Variants in PDE4D observed in about 807,000 individuals in gnomAD.
PDE4D encodes phosphodiesterase 4D.
A neutral mutation model predicts 87.4 loss-of-function variants in PDE4D; 24 were observed. The observed-to-expected ratio is 0.27, with a 90% CI of 0.20 to 0.39. The LOEUF is 0.39. PDE4D is among the 10% of genes least tolerant of loss of function. The pLI is 1.00. For missense variants in PDE4D, 714 were observed against 1,041.0 expected (o/e 0.69, Z 4.32); for synonymous variants, 384 against 383.2 (o/e 1.00, Z -0.02).
chr5:59,066,295 G>A (rs1393056165), intron 5 of PDE4D, among the ~76,000 whole-genome samples: 1 of 152,144 alleles, frequency 6.6e-6, no homozygotes, highest in Non-Finnish European at 1.5e-5. Context: ...CTTAGTCTTG[G>A]AGGGGCTTCC....
At chr5:59,906,313 A>G (rs995876542) in intron 3 of PDE4D, among the ~76,000 whole-genome samples, 1 of 152,190 alleles carries the variant, frequency 6.6e-6, no homozygotes, top group Non-Finnish European at 1.5e-5. Context: ...CTATTTCTCT[A>G]GGAAACTATG....
chr5:59,755,070 A>G (rs1761031378), intron 1 of PDE4D, among the ~76,000 whole-genome samples: 1 of 152,182 alleles, frequency 6.6e-6, no homozygotes, highest in Non-Finnish European at 1.5e-5. Flanking sequence ...TGTTTGGCAT[A>G]GCTGATGTGG....
At chr5:59,187,760 T>C (rs919935328) in intron 3 of PDE4D, among the ~76,000 whole-genome samples, 2 of 152,104 alleles carry the variant, frequency 1.3e-5, no homozygotes, top group African/African-American at 4.8e-5. Context: ...AGATTATTTA[T>C]TGTGTGTGTG....
intron 1 of PDE4D, among the ~76,000 whole-genome samples, chr5:59,583,616 A>T (rs1488599031): frequency 6.6e-6 from 1 of 152,252 alleles, no homozygotes; most frequent in Non-Finnish European, 1.5e-5. Flanking sequence ...CGGAAGGGGT[A>T]GTGTTCTATT....
rs188853000 is a variant in PDE4D at position 60,423,481 on chromosome 5, G to A, written c.-90+64461C>T. ...ATGAAATGAAGGCAAAAATAAAGAT[G>A]TTCTTTGAAACCAACGAGAACAAAG... On this transcript the variant is annotated intron_variant, in intron 1 of 16. Transcript: ENST00000502484. Among the ~76,000 whole-genome samples, 33 of 152,258 alleles carry A rather than the reference G, an allele frequency of 2.2e-4. No individual in the cohort carries two copies. In the East Asian group the frequency reaches 5.6e-3, roughly 26 times the overall value.
At chr5:59,850,428 T>A (rs1744505307) in intron 1 of PDE4D, among the ~76,000 whole-genome samples, 1 of 152,062 alleles carries the variant, frequency 6.6e-6, no homozygotes, top group African/African-American at 2.4e-5. Flanking sequence ...GTTATAAGAA[T>A]AAAATTGAAC....
chr5:59,544,259 C>A (rs1230404844), intron 1 of PDE4D, among the ~76,000 whole-genome samples: 2 of 152,196 alleles, frequency 1.3e-5, no homozygotes, highest in Non-Finnish European at 2.9e-5. Context: ...CCAATTGACG[C>A]TAGTTCTACC....
At chr5:59,529,937 G>C (rs1046610825) in intron 1 of PDE4D, among the ~76,000 whole-genome samples, 1 of 152,228 alleles carries the variant, frequency 6.6e-6, no homozygotes, top group Admixed American at 6.5e-5. Flanking sequence ...TCCTAAGGAG[G>C]GCCCCGGGTA....
chr5:60,054,256 T>C (rs1319102566), intron 2 of PDE4D, among the ~76,000 whole-genome samples: 1 of 152,120 alleles, frequency 6.6e-6, no homozygotes, highest in Admixed American at 6.5e-5. Context: ...TGCAGAACTG[T>C]TTACAGTGCA....
chr5:59,303,121 G>T (rs562414602), intron 1 of PDE4D, among the ~76,000 whole-genome samples: 1 of 152,160 alleles, frequency 6.6e-6, no homozygotes, highest in African/African-American at 2.4e-5. Flanking sequence ...TTTTTGATTT[G>T]CATTTCCTTG....
intron 1 of PDE4D, among the ~76,000 whole-genome samples, chr5:59,360,573 T>G (rs1480289338): frequency 6.6e-6 from 1 of 152,126 alleles, no homozygotes; most frequent in Non-Finnish European, 1.5e-5. Flanking sequence ...TAATATCCAT[T>G]CAGTACAAGT....
At chr5:60,136,690 A>T (rs1309997600) in intron 2 of PDE4D, among the ~76,000 whole-genome samples, 3 of 152,114 alleles carry the variant, frequency 2.0e-5, no homozygotes, top group East Asian at 3.8e-4. Flanking sequence ...CCCAATATCC[A>T]TTCTTTTCTT....
intron 1 of PDE4D, among the ~76,000 whole-genome samples, chr5:59,892,896 CCACACACACACACA>C (rs70975348): frequency 1.6e-4 from 23 of 143,970 alleles, no homozygotes; most frequent in African/African-American, 3.3e-4. Flanking sequence ...AGCGCGCGCA[CCACACACACACACA>C]CACACACACA....
chr5:60,204,119 C>T (rs1742229164), intron 1 of PDE4D, among the ~76,000 whole-genome samples: 1 of 152,164 alleles, frequency 6.6e-6, no homozygotes, highest in Admixed American at 6.5e-5. Context: ...GGTAAGCAGG[C>T]AGGAAACAGC....
At chr5:59,663,096 C>T (rs1249385079) in intron 1 of PDE4D, among the ~76,000 whole-genome samples, 3 of 152,130 alleles carry the variant, frequency 2.0e-5, no homozygotes, top group African/African-American at 4.8e-5. Context: ...TTAATTATTT[C>T]TTAACCACTT....
chr5:60,202,894 G>T (rs184453233), intron 1 of PDE4D, among the ~76,000 whole-genome samples: 12 of 152,202 alleles, frequency 7.9e-5, no homozygotes, highest in African/African-American at 2.9e-4. Flanking sequence ...AAACACACAT[G>T]CCCCTTGAAT....
intron 1 of PDE4D, among the ~76,000 whole-genome samples, chr5:59,451,266 C>T (rs925531522): frequency 6.6e-6 from 1 of 152,188 alleles, no homozygotes; most frequent in African/African-American, 2.4e-5. Flanking sequence ...TCTTTCATTT[C>T]AGCTTTGTCT....
chr5:60,322,607 T>A (rs1165517759), intron 1 of PDE4D, among the ~76,000 whole-genome samples: 1 of 152,180 alleles, frequency 6.6e-6, no homozygotes, highest in Non-Finnish European at 1.5e-5. Flanking sequence ...TTTCTGCTTA[T>A]TCCCCTTCTC....
intron 6 of PDE4D, among the ~76,000 whole-genome samples, chr5:59,034,923 C>G (rs1580431562): frequency 6.6e-6 from 1 of 152,152 alleles, no homozygotes; most frequent in African/African-American, 2.4e-5. Flanking sequence ...GGGAATAACT[C>G]AAAATGATTT....
Sources: gnomAD v4.1 joint callset for allele counts (sites outside exome capture counted in the v4.1 genomes callset) on GRCh38, gnomAD v4.1.1 for gene constraint, MANE v1.5 for transcripts, NCBI Gene and HGNC (gene_info 2026-07-23, HGNC 2026-07-21) for gene names.